The following SORCS3 variants were observed in gnomAD, a reference collection of about 807,000 sequenced individuals.
SORCS3 encodes the protein VPS10 domain-containing receptor SorCS3.
A neutral mutation model predicts 146.3 loss-of-function variants in SORCS3; 57 were observed. The observed-to-expected ratio is 0.39, with a 90% CI of 0.31 to 0.49. SORCS3 has a LOEUF of 0.49. Among genes scored for constraint, SORCS3 ranks in the 20% least tolerant of loss-of-function variants. SORCS3 has a pLI of 0.92. For missense variants in SORCS3, 1,341 were observed against 1,575.5 expected (o/e 0.85, Z 2.52); for synonymous variants, 653 against 618.5 (o/e 1.06, Z -0.83).
intron 3 of SORCS3, among the ~76,000 whole-genome samples, chr10:104,933,368 C>G (rs569594032): frequency 6.6e-6 from 1 of 151,380 alleles, no homozygotes; most frequent in African/African-American, 2.4e-5. Context: ...CACACCCAGA[C>G]AGACAGTAAA....
At chr10:105,147,875 A>G in intron 9 of SORCS3, 79 bp downstream of exon 9, 2 of 1,282,870 alleles carry the variant, frequency 1.6e-6, no homozygotes, top group East Asian at 2.4e-5. Flanking sequence ...CAAGCACTGG[A>G]GTTCTGGGTT....
intron 1 of SORCS3, among the ~76,000 whole-genome samples, chr10:104,727,685 C>G (rs1023646107): frequency 6.6e-6 from 1 of 151,982 alleles, no homozygotes; most frequent in African/African-American, 2.4e-5. Context: ...GGGCTGTAGA[C>G]CAGTATCAGT....
rs184311410 is a variant in SORCS3 at position 104,840,897 on chromosome 10, T to C, written c.628-1895T>C. On this transcript the variant is annotated intron_variant, in intron 1 of 26. Coordinates refer to ENST00000369701, the MANE Select transcript of SORCS3 (RefSeq NM_014978.3). The stretch of plus-strand genomic sequence containing the variant: ...CCTGCAGAGCCTGAGGTGGTCATTC[T>C]GACTCATTCCTAGTAGATCAGTTTT... Among the ~76,000 whole-genome samples, 43 of 41,360 alleles carry C rather than the reference T, an allele frequency of 1.0e-3. 1 individual carries two copies. The highest frequency in any genetic ancestry group is 3.3e-3 in the African/African-American group (28 of 8,492). 27.1% of individuals were successfully genotyped at this position (41,360 alleles called of 152,430 possible).
At chr10:104,929,893 A>G (rs1442490407) in intron 3 of SORCS3, among the ~76,000 whole-genome samples, 1 of 152,246 alleles carries the variant, frequency 6.6e-6, no homozygotes, top group African/African-American at 2.4e-5. Context: ...ACACCAGAAT[A>G]TAGCCACAAG....
chr10:104,757,152 C>A (rs2017063562), intron 1 of SORCS3, among the ~76,000 whole-genome samples: 1 of 151,270 alleles, frequency 6.6e-6, no homozygotes, highest in Non-Finnish European at 1.5e-5. Context: ...GCCAGAGGCC[C>A]CCTGACCCAA....
At chr10:105,142,138 T>G (rs1358644220) in intron 8 of SORCS3, among the ~76,000 whole-genome samples, 1 of 152,184 alleles carries the variant, frequency 6.6e-6, no homozygotes, top group Non-Finnish European at 1.5e-5. Context: ...TACCCTCTTT[T>G]GTCTCTTAGA....
chr10:105,043,489 A>T (rs1462243565), intron 5 of SORCS3, among the ~76,000 whole-genome samples: 1 of 152,170 alleles, frequency 6.6e-6, no homozygotes, highest in Non-Finnish European at 1.5e-5. Context: ...CATATATTTT[A>T]TGTACATATT....
intron 1 of SORCS3, among the ~76,000 whole-genome samples, chr10:104,685,925 T>G (rs562572899): frequency 7.5e-4 from 114 of 152,168 alleles, no homozygotes; most frequent in Non-Finnish European, 1.2e-3. Flanking sequence ...ATTCTGGGCT[T>G]CTTTGCTGAC....
At chr10:104,715,316 C>T (rs1191653490) in intron 1 of SORCS3, among the ~76,000 whole-genome samples, 1 of 152,176 alleles carries the variant, frequency 6.6e-6, no homozygotes, top group East Asian at 1.9e-4. Flanking sequence ...TTCACTCTCT[C>T]TCTTCTTAAG....
chr10:105,024,045 G>A (rs890708100), intron 4 of SORCS3, among the ~76,000 whole-genome samples: 7 of 152,114 alleles, frequency 4.6e-5, no homozygotes, highest in African/African-American at 1.4e-4. Flanking sequence ...TGTCCCAGCC[G>A]AATTATGTTT....
chr10:104,681,420 C>A (rs139507207), intron 1 of SORCS3, among the ~76,000 whole-genome samples: 1 of 152,136 alleles, frequency 6.6e-6, no homozygotes, highest in Non-Finnish European at 1.5e-5. Context: ...CGTCTTTTTG[C>A]GTCAATTCAC....
intron 1 of SORCS3, among the ~76,000 whole-genome samples, chr10:104,840,183 T>C (rs142733992): frequency 9.1e-4 from 139 of 152,120 alleles, no homozygotes; most frequent in Non-Finnish European, 1.8e-3. Context: ...GAGAGGCATG[T>C]TCTCATGGCA....
At chr10:104,785,020 C>G (rs2998423) in intron 1 of SORCS3, among the ~76,000 whole-genome samples, 112,024 of 151,126 alleles carry the variant, frequency 0.74, 41,701 homozygotes, top group East Asian at 0.92. Context: ...CCAGTAGGGG[C>G]GGCCGGGCAG....
intron 19 of SORCS3, among the ~76,000 whole-genome samples, chr10:105,220,397 T>C (rs1354558388): frequency 6.6e-6 from 1 of 152,190 alleles, no homozygotes; most frequent in Non-Finnish European, 1.5e-5. Flanking sequence ...CCTTTTATCT[T>C]CTTGGGTATC....
chr10:104,677,526 G>A (rs2015924992), intron 1 of SORCS3, among the ~76,000 whole-genome samples: 1 of 152,206 alleles, frequency 6.6e-6, no homozygotes, highest in African/African-American at 2.4e-5. Flanking sequence ...CCAGGAACCT[G>A]GTGCATTTGT....
chr10:104,800,459 C>T (rs1045760003), intron 1 of SORCS3, among the ~76,000 whole-genome samples: 1 of 152,022 alleles, frequency 6.6e-6, no homozygotes, highest in Non-Finnish European at 1.5e-5. Flanking sequence ...AAGGGTGACC[C>T]CTAATGTTAA....
intron 2 of SORCS3, among the ~76,000 whole-genome samples, chr10:104,885,805 T>C (rs2018676366): frequency 6.6e-6 from 1 of 152,160 alleles, no homozygotes; most frequent in African/African-American, 2.4e-5. Flanking sequence ...TTTTCCTTAA[T>C]AGTTCTGAGA....
At chr10:104,872,510 C>G (rs887188376) in intron 2 of SORCS3, among the ~76,000 whole-genome samples, 1 of 151,818 alleles carries the variant, frequency 6.6e-6, no homozygotes, top group African/African-American at 2.4e-5. Flanking sequence ...TGGGTCCCAT[C>G]CTCCAGGGCT....
At chr10:104,937,942 G>A (rs1322613050) in intron 3 of SORCS3, among the ~76,000 whole-genome samples, 6 of 152,176 alleles carry the variant, frequency 3.9e-5, no homozygotes, top group Non-Finnish European at 1.5e-5. Context: ...GCAGGTGCCA[G>A]TGGAGATGGA....
Sources: gnomAD v4.1 joint callset for allele counts (sites outside exome capture counted in the v4.1 genomes callset) on GRCh38, gnomAD v4.1.1 for gene constraint, MANE v1.5 for transcripts, NCBI Gene and HGNC (gene_info 2026-07-23, HGNC 2026-07-21) for gene names.